Variants in KLHL1 observed in about 807,000 individuals in gnomAD.
KLHL1 encodes kelch-like protein 1.
Under a neutral mutation model 77.7 loss-of-function variants are expected in KLHL1, and 47 were observed. That is an observed-to-expected ratio of 0.60 (90% confidence interval 0.48 to 0.77). The LOEUF (loss-of-function observed/expected upper bound fraction) is 0.77, where lower values mean the gene tolerates loss of function less well. Ranked by LOEUF, KLHL1 falls within the 30% of genes least tolerant of loss-of-function variation. The pLI is 0.00. For synonymous variants in KLHL1, 360 were observed against 325.2 expected (o/e 1.11, Z -1.15); for missense variants, 925 against 910.8 (o/e 1.02, Z -0.20).
chr13:69,749,448 A>G (rs1874375526), intron 7 of KLHL1, among the ~76,000 whole-genome samples: 2 of 152,010 alleles, frequency 1.3e-5, no homozygotes, highest in Non-Finnish European at 2.9e-5. Context: ...TTTCCAGTAC[A>G]TATAATTATT....
At chr13:69,749,968 T>G (rs1052046482) in intron 7 of KLHL1, among the ~76,000 whole-genome samples, 2 of 151,910 alleles carry the variant, frequency 1.3e-5, no homozygotes, top group African/African-American at 2.4e-5. Context: ...TTAGTATTGC[T>G]TTACTGTTTG....
intron 1 of KLHL1, among the ~76,000 whole-genome samples, chr13:70,003,648 A>C (rs1566490134): frequency 1.3e-5 from 2 of 151,820 alleles, no homozygotes; most frequent in Non-Finnish European, 2.9e-5. Context: ...ACAATATTTA[A>C]TTTTTATTAT....
At chr13:69,754,988 G>C (rs1230457265) in intron 7 of KLHL1, among the ~76,000 whole-genome samples, 1 of 151,974 alleles carries the variant, frequency 6.6e-6, no homozygotes, top group Non-Finnish European at 1.5e-5. Flanking sequence ...GCAATACTTT[G>C]CTTACTTGAA....
chr13:69,715,525 ATT>A (rs74759894), intron 9 of KLHL1, among the ~76,000 whole-genome samples: 73,189 of 132,340 alleles, frequency 0.55, 19,148 homozygotes, highest in East Asian at 0.73. Context: ...TTTATTATTT[ATT>A]TTTTTTTTTT....
intron 1 of KLHL1, among the ~76,000 whole-genome samples, chr13:70,024,027 TTTAA>T (rs1885869893): frequency 6.6e-6 from 1 of 151,746 alleles, no homozygotes; most frequent in African/African-American, 2.4e-5. Context: ...TTATCATGAG[TTTAA>T]TTAGTTGCAA....
In KLHL1 at chr13:70,107,340, G is replaced by A. The variant is rs1196534329; in HGVS notation, c.360C>T (p.Phe120=). 6.2e-7 allele frequency: 1 copy of A among 1,614,170 alleles called. No individual in the cohort carries two copies. Among genetic ancestry groups the A allele is most frequent in the Admixed American group, 1.7e-5 (1 of 60,026 alleles). The change falls in exon 1 of 11, where the codon TTC becomes TTT. Residue 120 remains phenylalanine, a synonymous_variant. Coordinates refer to ENST00000377844, the MANE Select transcript of KLHL1 (RefSeq NM_020866.3). ...QGTQQPARTL[F]YVESLEEEVV... ...CCTCCTCCTCTAGTGACTCCACGTA[G>A]AAGAGAGTCCTGGCTGGCTGCTGAG...
rs1555272487 is a variant in KLHL1 at position 69,837,656 on chromosome 13, A to ATGTGTG, written c.1414+1314_1414+1319dup. Among the ~76,000 whole-genome samples, 9 of 137,144 alleles carry ATGTGTG rather than the reference A, an allele frequency of 6.6e-5. 1 individual carries two copies. Among genetic ancestry groups the ATGTGTG allele is most frequent in the African/African-American group, 2.6e-4 (9 of 34,676 alleles). The allele number at this position is 137,144 out of a possible 152,430, so 90.0% of individuals were successfully genotyped here. A position where few individuals can be genotyped will look rare whatever the true frequency, so the allele number is the denominator to read the frequency against. Reference sequence around the variant, plus strand: ...TATATATATATATGTGTATATATATATGTGTGTGTGTGTGTATATATATAT... The same window carrying ATGTGTG: ...TATATATATATATGTGTATATATATATGTGTGTGTGTGTGTGTGTGTATATATATAT... On this transcript the variant is annotated intron_variant, in intron 6 of 10. Coordinates refer to ENST00000377844, the MANE Select transcript of KLHL1 (RefSeq NM_020866.3).
chr13:69,809,506 A>G (rs1299050633), intron 6 of KLHL1, among the ~76,000 whole-genome samples: 1 of 152,152 alleles, frequency 6.6e-6, no homozygotes, highest in East Asian at 1.9e-4. Context: ...TCAAGCAATC[A>G]ATAAGAGAAT....
chr13:69,860,626 AATTTT>A (rs1485894392), intron 5 of KLHL1, among the ~76,000 whole-genome samples: 5 of 151,814 alleles, frequency 3.3e-5, no homozygotes, highest in African/African-American at 4.8e-5. Context: ...TGTATAATAT[AATTTT>A]ATTTTATTCC....
chr13:69,708,802 A>T (rs2137875970), intron 9 of KLHL1, among the ~76,000 whole-genome samples: 1 of 152,130 alleles, frequency 6.6e-6, no homozygotes, highest in African/African-American at 2.4e-5. Context: ...GTAAGAACCC[A>T]GAAGAATGAA....
chr13:70,078,696 C>T (rs1242419189), intron 1 of KLHL1, among the ~76,000 whole-genome samples: 1 of 152,120 alleles, frequency 6.6e-6, no homozygotes, highest in Non-Finnish European at 1.5e-5. Flanking sequence ...CGACCACTGC[C>T]AGCTCCACAG....
At chr13:69,925,663 C>G (rs1263975902) in intron 4 of KLHL1, among the ~76,000 whole-genome samples, 1 of 98,346 alleles carries the variant, frequency 1.0e-5, no homozygotes, top group African/African-American at 3.2e-5. Flanking sequence ...GATTTTTGCC[C>G]TCTGAAAAAA....
chr13:69,962,832 C>T (rs2137272845), intron 2 of KLHL1, among the ~76,000 whole-genome samples: 1 of 152,086 alleles, frequency 6.6e-6, no homozygotes, highest in East Asian at 1.9e-4. Flanking sequence ...TTTTGTGTAA[C>T]AACTTTTAGA....
intron 3 of KLHL1, among the ~76,000 whole-genome samples, chr13:69,946,928 T>C (rs2482575): frequency 0.62 from 94,240 of 150,860 alleles, 29,709 homozygotes; most frequent in South Asian, 0.65. Context: ...TTACTTTCAA[T>C]GGGAAAATTG....
chr13:70,010,119 A>C (rs1593670995), intron 1 of KLHL1, among the ~76,000 whole-genome samples: 1 of 152,192 alleles, frequency 6.6e-6, no homozygotes, highest in East Asian at 1.9e-4. Context: ...AGAGAGTGCA[A>C]TAGAAGATAA....
intron 1 of KLHL1, among the ~76,000 whole-genome samples, chr13:70,017,820 C>T (rs982581017): frequency 4.6e-5 from 7 of 152,144 alleles, no homozygotes; most frequent in Non-Finnish European, 7.3e-5. Context: ...AATATTGTGG[C>T]TAAACCTTGG....
chr13:69,899,277 T>G (rs565014105), intron 4 of KLHL1, among the ~76,000 whole-genome samples: 1 of 152,314 alleles, frequency 6.6e-6, no homozygotes, highest in South Asian at 2.1e-4. Context: ...CAAGCTTCCC[T>G]GAAGTGTGCA....
chr13:70,092,672 G>A (rs972314231), intron 1 of KLHL1, among the ~76,000 whole-genome samples: 1 of 152,060 alleles, frequency 6.6e-6, no homozygotes, highest in Non-Finnish European at 1.5e-5. Flanking sequence ...AGTTTTATGA[G>A]CTAAGTTATT....
intron 5 of KLHL1, among the ~76,000 whole-genome samples, chr13:69,878,858 C>A (rs1441327298): frequency 1.3e-5 from 2 of 152,008 alleles, no homozygotes; most frequent in Non-Finnish European, 2.9e-5. Flanking sequence ...ACCCAGATGT[C>A]CAACAATGAT....
Sources: allele counts gnomAD v4.1 joint callset (sites outside exome capture counted in the v4.1 genomes callset), GRCh38; gene constraint gnomAD v4.1.1; transcripts MANE v1.5; gene names NCBI Gene and HGNC (gene_info 2026-07-23, HGNC 2026-07-21).